The following ASAP1 variants were observed in gnomAD, a reference collection of about 807,000 sequenced individuals.
ASAP1 encodes the protein arf-GAP with SH3 domain, ANK repeat and PH domain-containing protein 1.
A neutral mutation model predicts 145.2 loss-of-function variants in ASAP1; 43 were observed. That is an observed-to-expected ratio of 0.30 (90% CI 0.23 to 0.38). The LOEUF (loss-of-function observed/expected upper bound fraction) is 0.38. Ranked by LOEUF, ASAP1 falls within the 10% of genes least tolerant of loss-of-function variation. The pLI is 1.00. For missense variants in ASAP1, 1,018 were observed against 1,355.3 expected (o/e 0.75, Z 3.91); for synonymous variants, 546 against 515.5 (o/e 1.06, Z -0.80).
At chr8:130,390,275 C>G (rs1317191458) in intron 2 of ASAP1, among the ~76,000 whole-genome samples, 1 of 152,184 alleles carries the variant, frequency 6.6e-6, no homozygotes, top group African/African-American at 2.4e-5. Context: ...TTGTACGAAG[C>G]ACATTTTAAG....
At chr8:130,147,054 C>T (rs1586439044) in intron 13 of ASAP1, among the ~76,000 whole-genome samples, 1 of 151,808 alleles carries the variant, frequency 6.6e-6, no homozygotes, top group Middle Eastern at 3.4e-3. Flanking sequence ...GGTGAAACCC[C>T]GTCTCTACTA....
intron 4 of ASAP1, among the ~76,000 whole-genome samples, chr8:130,235,488 C>T (rs984532600): frequency 6.6e-6 from 1 of 152,058 alleles, no homozygotes; most frequent in Admixed American, 6.6e-5. Context: ...CTCACCTCCC[C>T]AAAGAGCTAG....
At chr8:130,120,881 G>A (rs2097564750) in intron 18 of ASAP1, among the ~76,000 whole-genome samples, 1 of 152,174 alleles carries the variant, frequency 6.6e-6, no homozygotes, top group African/African-American at 2.4e-5. Context: ...TAGGGAGAGT[G>A]GAAAATAGAT....
rs1309900531 is a variant in ASAP1, at chr8:130,222,131, G to A, written c.260-7430C>T. 2.6e-5 allele frequency among the ~76,000 whole-genome samples: 4 copies of A among 152,140 alleles called. No individual in the cohort carries two copies. In the East Asian group the frequency reaches 7.7e-4, roughly 29 times the overall value. On this transcript the variant is annotated intron_variant, in intron 4 of 29. Coordinates refer to ENST00000518721, the MANE Select transcript of ASAP1 (RefSeq NM_018482.4). ...GGCGTTGGCAATAACAAGTACCTTA[G>A]GAATACATTAAAATTCAATACTCTT...
intron 3 of ASAP1, among the ~76,000 whole-genome samples, chr8:130,274,304 A>G (rs557590363): frequency 6.6e-6 from 1 of 152,322 alleles, no homozygotes; most frequent in African/African-American, 2.4e-5. Context: ...TGGAGGTTCA[A>G]CTGGGCCTTG....
At chr8:130,292,577 A>C (rs1283786890) in intron 3 of ASAP1, among the ~76,000 whole-genome samples, 1 of 152,234 alleles carries the variant, frequency 6.6e-6, no homozygotes, top group Non-Finnish European at 1.5e-5. Flanking sequence ...TTTATTGTTC[A>C]AGAGGTGATT....
chr8:130,103,311 G>C (rs1230045494), intron 24 of ASAP1, among the ~76,000 whole-genome samples: 1 of 150,878 alleles, frequency 6.6e-6, no homozygotes, highest in Non-Finnish European at 1.5e-5. Context: ...TTCTTGTCTA[G>C]CTAAAGGCTT....
At chr8:130,261,247 C>A (rs139447195) in intron 3 of ASAP1, among the ~76,000 whole-genome samples, 4 of 152,258 alleles carry the variant, frequency 2.6e-5, no homozygotes, top group Admixed American at 1.3e-4. Flanking sequence ...GACATCATAG[C>A]CCCTAAACAC....
At chr8:130,288,385 G>C (rs1821747486) in intron 3 of ASAP1, among the ~76,000 whole-genome samples, 1 of 151,906 alleles carries the variant, frequency 6.6e-6, no homozygotes, top group African/African-American at 2.4e-5. Flanking sequence ...TGAAACAACT[G>C]TTAATAAAGA....
chr8:130,309,514 C>T (rs942066711), intron 3 of ASAP1, among the ~76,000 whole-genome samples: 2 of 152,176 alleles, frequency 1.3e-5, no homozygotes, highest in African/African-American at 2.4e-5. Context: ...TATGCAACTG[C>T]TGCTGCAGAT....
At chr8:130,368,114 C>T (rs534401487) in intron 2 of ASAP1, among the ~76,000 whole-genome samples, 2 of 152,238 alleles carry the variant, frequency 1.3e-5, no homozygotes, top group South Asian at 4.1e-4. Context: ...CATCCAGCTT[C>T]TGTTCCCTAA....
chr8:130,318,490 C>G, intron 3 of ASAP1, among the ~76,000 whole-genome samples: 1 of 152,232 alleles, frequency 6.6e-6, no homozygotes, highest in Admixed American at 6.5e-5. Context: ...CCATACCAGA[C>G]ATTTTCACGA....
chr8:130,240,697 C>T (rs1818471151), intron 3 of ASAP1, among the ~76,000 whole-genome samples: 1 of 152,126 alleles, frequency 6.6e-6, no homozygotes. Context: ...TAAATGAATA[C>T]AGGAGAATGT....
chr8:130,183,140 T>C (rs1814483999), intron 7 of ASAP1, among the ~76,000 whole-genome samples: 1 of 152,128 alleles, frequency 6.6e-6, no homozygotes, highest in Non-Finnish European at 1.5e-5. Context: ...ACCGTGGCAC[T>C]TGAAGACTCT....
chr8:130,366,885 C>CTTTTTTTTTTTTTTTTT (rs1565252965), intron 2 of ASAP1, among the ~76,000 whole-genome samples: 1 of 120,112 alleles, frequency 8.3e-6, no homozygotes, highest in Non-Finnish European at 1.8e-5. Context: ...ATGCTAGATT[C>CTTTTTTTTTTTTTTTTT]CTTTTTTTTT....
intron 3 of ASAP1, among the ~76,000 whole-genome samples, chr8:130,269,491 G>A (rs1374232317): frequency 6.6e-6 from 1 of 152,218 alleles, no homozygotes; most frequent in African/African-American, 2.4e-5. Context: ...AAAGAAACAA[G>A]AATGTTAAAC....
chr8:130,349,210 G>A (rs1016883174), intron 3 of ASAP1, among the ~76,000 whole-genome samples: 6 of 152,182 alleles, frequency 3.9e-5, no homozygotes, highest in African/African-American at 1.4e-4. Flanking sequence ...ACCCACAATG[G>A]TCAAAGTGTT....
intron 13 of ASAP1, among the ~76,000 whole-genome samples, chr8:130,139,323 A>G (rs1252681960): frequency 6.6e-6 from 1 of 152,194 alleles, no homozygotes; most frequent in African/African-American, 2.4e-5. Flanking sequence ...CCAATTGCAG[A>G]AGATTTGGGC....
At chr8:130,304,764 A>G (rs1168299074) in intron 3 of ASAP1, among the ~76,000 whole-genome samples, 1 of 152,144 alleles carries the variant, frequency 6.6e-6, no homozygotes, top group Non-Finnish European at 1.5e-5. Context: ...TACTCTCACA[A>G]TCTATTTTCC....
Sources: gnomAD v4.1 joint callset for allele counts (sites outside exome capture counted in the v4.1 genomes callset) on GRCh38, gnomAD v4.1.1 for gene constraint, MANE v1.5 for transcripts, NCBI Gene and HGNC (gene_info 2026-07-23, HGNC 2026-07-21) for gene names.